The following FGF1 variants were observed in gnomAD, a reference collection of about 807,000 sequenced individuals.
FGF1 encodes fibroblast growth factor 1, also known as beta-endothelial cell growth factor.
In FGF1, 9 loss-of-function variants were observed where a neutral mutation model predicts 13.4. The observed-to-expected ratio is 0.67, with a 90% confidence interval of 0.40 to 1.17. FGF1 has a LOEUF of 1.17. Among genes scored for constraint, FGF1 ranks in the 50% most tolerant of loss-of-function variants. FGF1 has a pLI of 0.01. For missense variants in FGF1, 156 were observed against 192.7 expected, an observed-to-expected ratio of 0.81 and a Z score of 1.13; for synonymous variants, 93 against 79.0, an observed-to-expected ratio of 1.18 and a Z score of -0.94.
chr5:142,649,347 A>G (rs1321242298), intron 1 of FGF1, among the ~76,000 whole-genome samples: 1 of 151,902 alleles, frequency 6.6e-6, no homozygotes, highest in Non-Finnish European at 1.5e-5. Context: ...TCACTACTAT[A>G]AGTACATTCT....
At chr5:142,666,348 C>T (rs1239217407) in intron 1 of FGF1, among the ~76,000 whole-genome samples, 3 of 148,572 alleles carry the variant, frequency 2.0e-5, no homozygotes, top group African/African-American at 5.1e-5. Flanking sequence ...CTTGTTTCTG[C>T]TCCTTTAAAT....
rs1416786102 is a variant in FGF1, at chr5:142,595,131, AAAG to A, written c.*156_*158del. On this transcript the variant is annotated 3_prime_UTR_variant, in exon 4 of 4. Transcript: ENST00000337706. ...ACTGTGCAGGGGTAAAAGGCTCTGCAAAGAAGTGAACTGGGCATTTAGAAGCAA... is the reference window on the plus strand; with the variant it reads ...ACTGTGCAGGGGTAAAAGGCTCTGCAAAGTGAACTGGGCATTTAGAAGCAA... 3 of 618,136 alleles carry A rather than the reference AAAG, an allele frequency of 4.9e-6. No homozygotes were observed. Among genetic ancestry groups the A allele is most frequent in the African/African-American group, 1.9e-5 (1 of 54,038 alleles). The allele number at this position is 618,136 out of a possible 1,614,324, so 38.3% of individuals were successfully genotyped here.
intron 1 of FGF1, among the ~76,000 whole-genome samples, chr5:142,618,324 T>C (rs2151887806): frequency 6.6e-6 from 1 of 152,308 alleles, no homozygotes; most frequent in South Asian, 2.1e-4. Context: ...ATGAACAGGA[T>C]GTGGATAGTA....
chr5:142,657,746 C>T (rs545491051), intron 1 of FGF1, among the ~76,000 whole-genome samples: 5 of 152,304 alleles, frequency 3.3e-5, no homozygotes, highest in East Asian at 3.9e-4. Context: ...CAGTGGGCAG[C>T]GGAACTTTCC....
chr5:142,690,254 C>G (rs1028349906), upstream of FGF1, among the ~76,000 whole-genome samples: 2 of 150,664 alleles, frequency 1.3e-5, no homozygotes, highest in Non-Finnish European at 3.0e-5. Flanking sequence ...CCGGTGAACC[C>G]GGCGAACCCG....
intron 2 of FGF1, among the ~76,000 whole-genome samples, chr5:142,693,609 T>TA (rs1404699095): frequency 6.6e-6 from 1 of 152,250 alleles, no homozygotes; most frequent in Non-Finnish European, 1.5e-5. Context: ...TACAAAGTTG[T>TA]GCGGCCATCA....
intron 2 of FGF1, among the ~76,000 whole-genome samples, chr5:142,610,148 G>A (rs1597101547): frequency 6.6e-6 from 1 of 152,216 alleles, no homozygotes; most frequent in African/African-American, 2.4e-5. Flanking sequence ...CAAGGTTGTG[G>A]TTAGGTAGAA....
At chr5:142,631,594 T>C (rs1763377788) in intron 1 of FGF1, among the ~76,000 whole-genome samples, 1 of 152,168 alleles carries the variant, frequency 6.6e-6, no homozygotes, top group South Asian at 2.1e-4. Context: ...TGTTTTTATA[T>C]TAAAGTGATA....
intron 1 of FGF1, among the ~76,000 whole-genome samples, chr5:142,646,240 A>G (rs1766071720): frequency 3.0e-5 from 3 of 101,454 alleles, no homozygotes; most frequent in Admixed American, 2.6e-4. Flanking sequence ...TTTTGGAGAC[A>G]GAGTTTCACT....
At chr5:142,664,579 A>G (rs1487254611) in intron 1 of FGF1, among the ~76,000 whole-genome samples, 1 of 152,242 alleles carries the variant, frequency 6.6e-6, no homozygotes, top group African/African-American at 2.4e-5. Flanking sequence ...TCTTCATGGT[A>G]CATGAAGTGA....
intron 1 of FGF1, among the ~76,000 whole-genome samples, chr5:142,683,187 A>C (rs1774029517): frequency 1.3e-5 from 2 of 152,232 alleles, no homozygotes; most frequent in African/African-American, 4.8e-5. Context: ...GGGATACTGC[A>C]TTAGCCATGC....
intron 1 of FGF1, among the ~76,000 whole-genome samples, chr5:142,667,585 C>CAAAAAAA (rs747487970): frequency 1.6e-5 from 1 of 62,084 alleles, no homozygotes; most frequent in East Asian, 5.3e-4. Flanking sequence ...GACTCCGTCT[C>CAAAAAAA]AAAAAAAAAA....
intron 2 of FGF1, among the ~76,000 whole-genome samples, chr5:142,607,100 C>T (rs769251540): frequency 2.0e-5 from 3 of 152,090 alleles, no homozygotes; most frequent in African/African-American, 7.2e-5. Context: ...TTTTGTTCCT[C>T]GTGACCCCTG....
chr5:142,639,812 A>G (rs1764866682), intron 1 of FGF1, among the ~76,000 whole-genome samples: 1 of 152,020 alleles, frequency 6.6e-6, no homozygotes, highest in South Asian at 2.1e-4. Context: ...GGACACATAG[A>G]TCAAAACATC....
intron 3 of FGF1, among the ~76,000 whole-genome samples, chr5:142,598,249 A>T (rs1755716716): frequency 1.3e-5 from 2 of 152,126 alleles, no homozygotes; most frequent in African/African-American, 4.8e-5. Flanking sequence ...CACATTCCCC[A>T]CCTGATGTCT....
chr5:142,626,366 T>C (rs1353092572), intron 1 of FGF1, among the ~76,000 whole-genome samples: 1 of 152,196 alleles, frequency 6.6e-6, no homozygotes, highest in Non-Finnish European at 1.5e-5. Context: ...GTCACTTTTC[T>C]AAGATCATAC....
At chr5:142,645,087 T>C (rs1445550681) in intron 1 of FGF1, among the ~76,000 whole-genome samples, 6 of 79,284 alleles carry the variant, frequency 7.6e-5, no homozygotes, top group Non-Finnish European at 1.7e-4. Flanking sequence ...AGGCAGCTCT[T>C]AGCTTTAAAC....
intron 1 of FGF1, among the ~76,000 whole-genome samples, chr5:142,647,564 G>C (rs904941687): frequency 4.6e-5 from 7 of 152,130 alleles, no homozygotes; most frequent in Non-Finnish European, 1.0e-4. Flanking sequence ...TAAGATGGTA[G>C]ACCACTCCAC....
intron 2 of FGF1, among the ~76,000 whole-genome samples, chr5:142,603,556 C>T (rs531581254): frequency 3.9e-5 from 6 of 152,324 alleles, no homozygotes; most frequent in Non-Finnish European, 8.8e-5. Flanking sequence ...TGTCCTGTTC[C>T]CTCTGGGGTC....
Sources: allele counts gnomAD v4.1 joint callset (sites outside exome capture counted in the v4.1 genomes callset), GRCh38; gene constraint gnomAD v4.1.1; transcripts MANE v1.5; gene names NCBI Gene and HGNC (gene_info 2026-07-23, HGNC 2026-07-21).